The following ELF1 variants were observed in gnomAD, a reference collection of about 807,000 sequenced individuals.
ELF1 encodes the protein E74 like ETS transcription factor 1, also known as ETS-related transcription factor Elf-1.
Under a neutral mutation model 59.9 loss-of-function variants are expected in ELF1, and 24 were observed. The ratio of observed to expected loss-of-function variants is 0.40; its 90% CI spans 0.29 to 0.56. The LOEUF (loss-of-function observed/expected upper bound fraction) is 0.56. Among genes scored for constraint, ELF1 ranks in the 20% least tolerant of loss-of-function variants. The probability of loss-of-function intolerance (pLI) is 0.44; values close to 1 mark genes in which losing one functional copy is unlikely to be tolerated. For missense variants in ELF1, 627 were observed against 742.2 expected, an observed-to-expected ratio of 0.84 and a Z score of 1.80; for synonymous variants, 248 against 266.2, an observed-to-expected ratio of 0.93 and a Z score of 0.67.
intron 1 of ELF1, among the ~76,000 whole-genome samples, chr13:41,041,279 A>C (rs1285820572): frequency 2.1e-5 from 3 of 145,100 alleles, no homozygotes; most frequent in Non-Finnish European, 4.6e-5. Context: ...AAAAAAAAAA[A>C]CCTATTACAC....
intron 5 of ELF1, among the ~76,000 whole-genome samples, chr13:40,946,886 T>G (rs1009527472): frequency 1.3e-5 from 2 of 152,082 alleles, no homozygotes; most frequent in Non-Finnish European, 2.9e-5. Context: ...GCCTGTAGTT[T>G]TACATGGATT....
At chr13:40,993,731 C>A (rs1035547744) in intron 1 of ELF1, among the ~76,000 whole-genome samples, 1 of 152,048 alleles carries the variant, frequency 6.6e-6, no homozygotes, top group Non-Finnish European at 1.5e-5. Context: ...GCAATCCTCC[C>A]GTCTAGGCCT....
upstream of ELF1, among the ~76,000 whole-genome samples, chr13:41,023,490 T>C (rs1875765718): frequency 6.6e-6 from 1 of 152,186 alleles, no homozygotes; most frequent in African/African-American, 2.4e-5. Context: ...AAGACTGAGA[T>C]TGAGTGTTAT....
At chr13:40,990,765 T>C (rs904300258) in intron 1 of ELF1, among the ~76,000 whole-genome samples, 21 of 150,018 alleles carry the variant, frequency 1.4e-4, no homozygotes, top group African/African-American at 5.2e-4. Context: ...TGGGGCAGAA[T>C]TGCTTGAACC....
intron 1 of ELF1, among the ~76,000 whole-genome samples, chr13:41,048,493 A>C (rs911768423): frequency 1.1e-4 from 16 of 152,144 alleles, no homozygotes; most frequent in African/African-American, 3.4e-4. Flanking sequence ...AACACAGCTT[A>C]CTGCAGCCTT....
intron 2 of ELF1, among the ~76,000 whole-genome samples, chr13:40,973,223 T>C (rs180777814): frequency 9.2e-5 from 14 of 152,336 alleles, no homozygotes; most frequent in Non-Finnish European, 1.6e-4. Flanking sequence ...CCTGGTCTCG[T>C]ATCTTCAGTA....
chr13:40,954,336 C>T (rs868265295), intron 3 of ELF1, among the ~76,000 whole-genome samples: 10 of 152,208 alleles, frequency 6.6e-5, no homozygotes, highest in African/African-American at 7.2e-5. Context: ...GGGAGGTGAC[C>T]GGATCGTGGA....
At chr13:41,059,396 T>C (rs1313367963) in intron 1 of ELF1, among the ~76,000 whole-genome samples, 2 of 152,244 alleles carry the variant, frequency 1.3e-5, no homozygotes, top group African/African-American at 4.8e-5. Context: ...ACACAAATAT[T>C]TGAATTAATG....
chr13:40,957,852 C>T (rs542835896), intron 3 of ELF1, among the ~76,000 whole-genome samples: 60 of 152,304 alleles, frequency 3.9e-4, no homozygotes, highest in Non-Finnish European at 6.9e-4. Flanking sequence ...TACCTTTCCC[C>T]GATTTAAAAC....
chr13:40,960,490 T>G (rs1871747191), intron 2 of ELF1, among the ~76,000 whole-genome samples: 1 of 152,228 alleles, frequency 6.6e-6, no homozygotes, highest in Non-Finnish European at 1.5e-5. Context: ...TCAGTTTGCA[T>G]TTTTGGTAGG....
intron 1 of ELF1, among the ~76,000 whole-genome samples, chr13:41,016,947 A>AAAAAAGATATATAT (rs1566190595): frequency 4.0e-5 from 1 of 24,728 alleles, no homozygotes; most frequent in Non-Finnish European, 6.8e-5. Context: ...AAAAAAAAAA[A>AAAAAAGATATATAT]ATATATATAT....
chr13:41,012,457 C>A (rs1875127289), intron 1 of ELF1, among the ~76,000 whole-genome samples: 3 of 151,168 alleles, frequency 2.0e-5, no homozygotes, highest in African/African-American at 7.3e-5. Flanking sequence ...AGGTCATCTA[C>A]AGTTAAAGCT....
At position 40,933,551 on chromosome 13, in the gene ELF1, C is replaced by A. The variant is rs751049840; in HGVS notation, c.1734G>T (p.Leu578Phe). 18 of 1,614,222 alleles carry A rather than the reference C, an allele frequency of 1.1e-5. No homozygotes were observed. In the South Asian group the frequency reaches 1.9e-4, roughly 17 times the overall value. Residue 578 changes from leucine to phenylalanine, a missense_variant, in exon 9 of 9, where the codon TTG (leucine) becomes TTT (phenylalanine). By Grantham distance (22) the Leu-to-Phe change is conservative. Around this residue, in one of 3 missense-constraint regions of ELF1, gnomAD observed 361 missense variants for 396.1 expected, o/e 0.91. Transcript: ENST00000239882. ...GCTCCGTTTTCTCAGTGTTCTCTTT[C>A]AAATGATCTTCAGATTCCTTTTTCT... Reference protein sequence around the residue: ...EVEKKESEDHLKENTEKTEQQ... With the variant: ...EVEKKESEDHFKENTEKTEQQ...
At chr13:41,056,619 C>T (rs555557930) in intron 1 of ELF1, among the ~76,000 whole-genome samples, 3 of 152,316 alleles carry the variant, frequency 2.0e-5, no homozygotes, top group Non-Finnish European at 2.9e-5. Flanking sequence ...AACTTCTTTA[C>T]TATTGTTTGA....
chr13:41,059,644 T>C (rs1233995763), intron 1 of ELF1, among the ~76,000 whole-genome samples: 3 of 152,196 alleles, frequency 2.0e-5, no homozygotes, highest in East Asian at 3.8e-4. Flanking sequence ...ATAAACATTA[T>C]AGCCGACCCT....
intron 1 of ELF1, among the ~76,000 whole-genome samples, chr13:41,010,115 C>G (rs1421553926): frequency 6.9e-6 from 1 of 145,036 alleles, no homozygotes; most frequent in East Asian, 2.0e-4. Context: ...GTTAAATATA[C>G]ATGCTTTGGG....
At chr13:40,955,948 CG>C (rs1384588049) in intron 3 of ELF1, among the ~76,000 whole-genome samples, 1 of 104,464 alleles carries the variant, frequency 9.6e-6, no homozygotes, top group Non-Finnish European at 2.0e-5. Context: ...GGGAGGGAGG[CG>C]GGGGGGTCAG....
intron 1 of ELF1, among the ~76,000 whole-genome samples, chr13:41,048,087 T>G (rs1876934717): frequency 6.6e-6 from 1 of 152,212 alleles, no homozygotes; most frequent in South Asian, 2.1e-4. Context: ...AGGTACAGGA[T>G]ATAATCTCCT....
chr13:40,985,580 C>CA (rs1359146797), intron 1 of ELF1, among the ~76,000 whole-genome samples: 1 of 152,096 alleles, frequency 6.6e-6, no homozygotes, highest in Non-Finnish European at 1.5e-5. Flanking sequence ...TTAAAATCTC[C>CA]ATCTCTAGGT....
Sources: allele counts gnomAD v4.1 joint callset (sites outside exome capture counted in the v4.1 genomes callset), GRCh38; gene constraint gnomAD v4.1.1; regional missense constraint gnomAD v4.1.1; transcripts MANE v1.5; gene names NCBI Gene and HGNC (gene_info 2026-07-23, HGNC 2026-07-21).